The following MPI variants were observed in gnomAD, a reference collection of about 807,000 sequenced individuals.
MPI encodes the protein mannose phosphate isomerase, also known as mannose-6-phosphate isomerase.
A neutral mutation model predicts 40.1 loss-of-function variants in MPI; 33 were observed. The observed-to-expected ratio is 0.82, with a 90% CI of 0.62 to 1.10. The LOEUF (loss-of-function observed/expected upper bound fraction) is 1.10, where lower values mean the gene tolerates loss of function less well. MPI is among the 50% of genes least tolerant of loss of function. The probability of loss-of-function intolerance (pLI) is 0.00; values close to 1 mark genes in which losing one functional copy is unlikely to be tolerated. For missense variants in MPI, 514 were observed against 524.1 expected, an observed-to-expected ratio of 0.98 and a Z score of 0.19; for synonymous variants, 187 against 207.4, an observed-to-expected ratio of 0.90 and a Z score of 0.85.
At chr15:74,896,028 G>C in intron 5 of MPI, 124 bp from the exon 6 acceptor site, 1 of 1,153,018 alleles carries the variant, frequency 8.7e-7, no homozygotes. Context: ...CAGAAGGACA[G>C]GGCCACTTTG....
intron 4 of MPI, 51 bp from the exon 5 acceptor site, chr15:74,893,087 G>A: frequency 1.2e-6 from 2 of 1,607,502 alleles, no homozygotes; most frequent in Non-Finnish European, 1.7e-6. Flanking sequence ...CACTTGTGTG[G>A]GTTCCATCTT....
In MPI at chr15:74,896,291, G is replaced by C. The variant is rs2141206859; in HGVS notation, c.810G>C (p.Leu270=). 1 of 1,614,156 alleles carries C rather than the reference G, an allele frequency of 6.2e-7. No individual in the cohort carries two copies. ...LTLKPGEAMF[L]EANVPHAYLK... is the part of the protein sequence containing the mutation. Reference sequence around the variant, plus strand: ...TGAAGCCTGGGGAGGCCATGTTTCTGGAGGCCAACGTACCCCATGCCTACC... The same window carrying C: ...TGAAGCCTGGGGAGGCCATGTTTCTCGAGGCCAACGTACCCCATGCCTACC... Residue 270 remains leucine, a synonymous_variant, in exon 6 of 8, where the codon CTG becomes CTC. Transcript: ENST00000352410.
Position 74,897,209 on chromosome 15 carries a change from T to C in MPI, c.1043T>C (p.Met348Thr). 1 of 1,614,122 alleles carries C rather than the reference T, an allele frequency of 6.2e-7. No homozygotes were observed. Among genetic ancestry groups the C allele is most frequent in the Non-Finnish European group, 8.5e-7 (1 of 1,179,978 alleles). ...YDPPVPDFTI[M>T]KTEVPGSVTE... ...CCCCCTGTACCAGACTTCACCATTA[T>C]GAAGACGGAGGTGAGTGAGGGGCTA... Residue 348 changes from methionine to threonine, a missense_variant, in exon 7 of 8, where the codon ATG becomes ACG. Coordinates refer to ENST00000352410, the MANE Select transcript of MPI (RefSeq NM_002435.3).
At position 74,901,380 on chromosome 15, in the gene MPI, C is replaced by T. The variant is rs931429331; in HGVS notation, c.*3650C>T. 1 of 152,098 alleles carries T rather than the reference C, an allele frequency of 6.6e-6. No homozygotes were observed. The highest frequency in any genetic ancestry group is 1.5e-5 in the Non-Finnish European group (1 of 68,038). 9.4% of individuals were successfully genotyped at this position (152,098 alleles called of 1,614,324 possible). A position where few individuals can be genotyped will look rare whatever the true frequency, so the allele number is the denominator to read the frequency against. ...TATAGAGTATAGCAAGATATACTCT[C>T]CAATTTGTGGGTAGGGGGTGTCACA... On this transcript the variant is annotated 3_prime_UTR_variant, in exon 8 of 8. Coordinates refer to ENST00000352410, the MANE Select transcript of MPI (RefSeq NM_002435.3).
Position 74,897,802 on chromosome 15 carries a change from G to A in MPI, c.*72G>A. 1 of 1,444,796 alleles carries A rather than the reference G, an allele frequency of 6.9e-7. No homozygotes were observed. The highest frequency in any genetic ancestry group is 1.2e-5 in the South Asian group (1 of 86,504). 89.5% of individuals were successfully genotyped at this position (1,444,796 alleles called of 1,614,324 possible). On this transcript the variant is annotated 3_prime_UTR_variant, in exon 8 of 8. Coordinates refer to ENST00000352410, the MANE Select transcript of MPI (RefSeq NM_002435.3). ...AGCCAACCTCACCTCCTCGGGCCCA[G>A]CTCAAGCCCCCTTCCTTGCTCTGGA... is the stretch of plus-strand genomic sequence containing the variant.
chr15:74,894,107 T>TTTTCTGAGCCAG (rs147258431), intron 5 of MPI, among the ~76,000 whole-genome samples: 876 of 60,980 alleles, frequency 0.014, 217 homozygotes, highest in Admixed American at 0.033. Context: ...TGTGTGTGTG[T>TTTTCTGAGCCAG]GGTCTCTTTC....
rs1327682823 is a variant in MPI, at chr15:74,901,347, A to G, written c.*3617A>G. 1 of 152,082 alleles carries G rather than the reference A, an allele frequency of 6.6e-6. No individual in the cohort carries two copies. Among genetic ancestry groups the G allele is most frequent in the Non-Finnish European group, 1.5e-5 (1 of 68,028 alleles). The allele number at this position is 152,082 out of a possible 1,614,324, so 9.4% of individuals were successfully genotyped here. On this transcript the variant is annotated 3_prime_UTR_variant, in exon 8 of 8. Coordinates refer to ENST00000352410, the MANE Select transcript of MPI (RefSeq NM_002435.3). ...AACCTGTTGGAAAAATTCTAGAAAG[A>G]GGCTTGGTATAGAGTATAGCAAGAT...
intron 1 of MPI, 41 bp downstream of exon 1, chr15:74,890,130 G>C: frequency 6.2e-7 from 1 of 1,606,332 alleles, no homozygotes; most frequent in Non-Finnish European, 8.5e-7. Context: ...TGTTCGTGGA[G>C]CGCGTCCTGG....
chr15:74,897,265 C>T (rs1332393083), intron 7 of MPI, 46 bp downstream of exon 7: 1 of 1,598,382 alleles, frequency 6.3e-7, no homozygotes, highest in African/African-American at 1.3e-5. Flanking sequence ...CCATGAAAAT[C>T]TCTGGCAAGG....
At chr15:74,890,307 C>G in intron 1 of MPI, 5 of 849,584 alleles carry the variant, frequency 5.9e-6, no homozygotes, top group Non-Finnish European at 9.4e-6. Flanking sequence ...CTGCTCCCTC[C>G]CCGCCACCCT....
chr15:74,894,146 C>T (rs1382997669), intron 5 of MPI, among the ~76,000 whole-genome samples: 1 of 119,404 alleles, frequency 8.4e-6, no homozygotes, highest in East Asian at 2.2e-4. Context: ...TGCAGTGGTG[C>T]GATCTTGGCT....
At chr15:74,892,516 T>G (rs2064742101) in intron 3 of MPI, 145 bp from the exon 4 acceptor site, 11 of 1,249,430 alleles carry the variant, frequency 8.8e-6, no homozygotes, top group Non-Finnish European at 1.2e-5. Flanking sequence ...GCAACATGCT[T>G]TGACTGGGCT....
chr15:74,893,688 T>C (rs2058757946), intron 5 of MPI: 1 of 569,128 alleles, frequency 1.8e-6, no homozygotes, highest in Non-Finnish European at 3.2e-6. Flanking sequence ...GCATCCTCCC[T>C]CTCCTGGAAA....
At chr15:74,895,544 G>A (rs1001753261) in intron 5 of MPI, 5 of 157,062 alleles carry the variant, frequency 3.2e-5, no homozygotes, top group African/African-American at 1.2e-4. Flanking sequence ...AGTGAGGTAT[G>A]ATCGTGCCAC....
chr15:74,897,368 G>T, intron 7 of MPI, 144 bp from the exon 8 acceptor site: 2 of 1,295,054 alleles, frequency 1.5e-6, no homozygotes, highest in East Asian at 2.4e-5. Context: ...TCCTGTACCA[G>T]GGACCAGGCC....
chr15:74,893,310 C>T lies in MPI; in HGVS notation c.660C>T (p.Ile220=). 6.2e-7 allele frequency: 1 copy of T among 1,614,222 alleles called. No homozygotes were observed. The highest frequency in any genetic ancestry group is 8.5e-7 in the Non-Finnish European group (1 of 1,180,032). Residue 220 remains isoleucine (I), a synonymous_variant, in exon 5 of 8, where the codon ATC becomes ATT. Transcript: ENST00000352410. The stretch of plus-strand genomic sequence containing the variant: ...AGCTCAACCTGTTGGTGAAGCGGAT[C>T]TCCCAGCAAGGTGGACACAGTTATA... ...VEQLNLLVKR[I]SQQAAAGNNM...
intron 5 of MPI, among the ~76,000 whole-genome samples, chr15:74,894,091 TGTGTGTGTGTGTGTGTGGTCTC>T (rs1567267211): frequency 1.2e-4 from 7 of 56,764 alleles, no homozygotes; most frequent in South Asian, 5.0e-4. Context: ...TGTGTGTGTG[TGTGTGTGTGTGTGTGTGGTCTC>T]TTTCTGTTGC....
rs146505548 is a variant in MPI at position 74,895,234 on chromosome 15, C to T, written c.671-918C>T. Among the ~76,000 whole-genome samples the T allele has an allele frequency of 1.4e-3, 214 of 150,608 alleles. 4 individuals carry two copies. The highest frequency in any genetic ancestry group is 1.7e-3 in the Non-Finnish European group (115 of 67,586). ...TCGTGATCCGCCTGCCTTGGCCTCC[C>T]AAAGTCCTGAGATGACAGGTGTGAG... On this transcript the variant is annotated intron_variant, in intron 5 of 7. Coordinates refer to ENST00000352410, the MANE Select transcript of MPI (RefSeq NM_002435.3).
chr15:74,893,026 ATTGCCGGCTCT>A, intron 4 of MPI, 101 bp from the exon 5 acceptor site: 5 of 1,450,790 alleles, frequency 3.4e-6, no homozygotes, highest in Non-Finnish European at 4.8e-6. Context: ...TTTACTTAGC[ATTGCCGGCTCT>A]TTGGTTAGGG....
Sources: gnomAD v4.1 joint callset for allele counts (sites outside exome capture counted in the v4.1 genomes callset) on GRCh38, gnomAD v4.1.1 for gene constraint, MANE v1.5 for transcripts, NCBI Gene and HGNC (gene_info 2026-07-23, HGNC 2026-07-21) for gene names.